The following MAP4K4 variants were observed in gnomAD, a reference collection of about 807,000 sequenced individuals.
MAP4K4 encodes HPK/GCK-like kinase HGK.
MAP4K4 carries 38 observed loss-of-function variants against 189.6 expected under a neutral mutation model. That is an observed-to-expected ratio of 0.20 (90% CI 0.15 to 0.26). The LOEUF is 0.26. MAP4K4 is among the 10% of genes least tolerant of loss of function. The pLI is 1.00. For synonymous variants in MAP4K4, 610 were observed against 624.3 expected (o/e 0.98, Z 0.34); for missense variants, 1,054 against 1,726.9 (o/e 0.61, Z 6.91).
chr2:101,877,188 TAAC>T (rs1222754626), intron 27 of MAP4K4, 42 bp downstream of exon 27: 2 of 1,604,798 alleles, frequency 1.2e-6, no homozygotes, highest in South Asian at 2.2e-5. Context: ...GACACCATCT[TAAC>T]AATATTGTAG....
At chr2:101,870,971 G>A (rs1311011906) in intron 23 of MAP4K4, among the ~76,000 whole-genome samples, 1 of 152,162 alleles carries the variant, frequency 6.6e-6, no homozygotes, top group Non-Finnish European at 1.5e-5. Flanking sequence ...TGCTCAGTTT[G>A]GATCACTAAG....
chr2:101,894,180 G>A (rs2098600139), exon 33 of MAP4K4: 1 of 152,774 alleles, frequency 6.5e-6, no homozygotes, highest in Admixed American at 6.5e-5. Flanking sequence ...CAAGAAAACA[G>A]TATTGCAATG....
intron 2 of MAP4K4, among the ~76,000 whole-genome samples, chr2:101,760,760 T>C (rs1331219361): frequency 6.6e-6 from 1 of 152,090 alleles, no homozygotes; most frequent in Admixed American, 6.5e-5. Context: ...TCCCACCACT[T>C]TGGGAGGCCG....
At chr2:101,755,654 T>A (rs1230195295) in intron 2 of MAP4K4, among the ~76,000 whole-genome samples, 8 of 152,164 alleles carry the variant, frequency 5.3e-5, no homozygotes, top group Admixed American at 3.3e-4. Flanking sequence ...TTTGCATTAA[T>A]CCGCTCTCCC....
intron 3 of MAP4K4, among the ~76,000 whole-genome samples, chr2:101,797,545 C>T (rs1205602173): frequency 1.1e-4 from 17 of 151,682 alleles, no homozygotes; most frequent in Admixed American, 1.1e-3. Flanking sequence ...TATTTTCTTA[C>T]CTTAGACAAC....
chr2:101,783,281 GA>G (rs34196195), intron 2 of MAP4K4, among the ~76,000 whole-genome samples: 35 of 149,560 alleles, frequency 2.3e-4, no homozygotes, highest in African/African-American at 3.9e-4. Context: ...TGTTTTTCTG[GA>G]AAAAAAAAAG....
chr2:101,705,762 T>C (rs1229485430), intron 2 of MAP4K4, among the ~76,000 whole-genome samples: 1 of 152,206 alleles, frequency 6.6e-6, no homozygotes, highest in Admixed American at 6.5e-5. Context: ...CAGGATTGAA[T>C]TTGTAGCAGG....
At chr2:101,833,963 CTTAATTAAA>C (rs555307809) in intron 7 of MAP4K4, among the ~76,000 whole-genome samples, 104 of 152,194 alleles carry the variant, frequency 6.8e-4, no homozygotes, top group African/African-American at 2.4e-3. Context: ...ACTTTAAAAT[CTTAATTAAA>C]TTTGAGTTAC....
intron 2 of MAP4K4, among the ~76,000 whole-genome samples, chr2:101,706,387 A>C (rs1195887104): frequency 6.6e-6 from 1 of 152,196 alleles, no homozygotes; most frequent in Non-Finnish European, 1.5e-5. Flanking sequence ...TTCTTTTATC[A>C]TGACTATGTA....
chr2:101,740,373 C>T (rs1246870849), intron 2 of MAP4K4, among the ~76,000 whole-genome samples: 1 of 137,140 alleles, frequency 7.3e-6, no homozygotes, highest in Non-Finnish European at 1.5e-5. Flanking sequence ...CCGGGATGGT[C>T]TCGATCTCCT....
intron 2 of MAP4K4, among the ~76,000 whole-genome samples, chr2:101,784,184 A>T (rs2089344717): frequency 6.6e-6 from 1 of 152,106 alleles, no homozygotes; most frequent in South Asian, 2.1e-4. Flanking sequence ...ATCCTATGAA[A>T]GCAGAGCAAT....
chr2:101,831,912 C>T (rs1188481069), intron 7 of MAP4K4, 61 bp downstream of exon 7: 15 of 1,569,578 alleles, frequency 9.6e-6, no homozygotes, highest in Admixed American at 1.9e-5. Flanking sequence ...GGGATGGGGG[C>T]TTTGCTTATA....
At chr2:101,713,185 G>A (rs1180516707) in intron 2 of MAP4K4, among the ~76,000 whole-genome samples, 1 of 152,086 alleles carries the variant, frequency 6.6e-6, no homozygotes, top group Non-Finnish European at 1.5e-5. Flanking sequence ...TGGGATTACA[G>A]GTGTGAACCA....
chr2:101,877,537 G>A (rs944886045), intron 27 of MAP4K4, among the ~76,000 whole-genome samples: 12 of 148,912 alleles, frequency 8.1e-5, no homozygotes, highest in African/African-American at 2.2e-4. Flanking sequence ...GTGCAGTGGC[G>A]CGATCTTGGC....
Position 101,870,354 on chromosome 2 carries a change from A to G in MAP4K4, c.2699A>G (p.Asp900Gly), listed in dbSNP as rs778367356. 10 of 1,613,684 alleles carry G rather than the reference A, an allele frequency of 6.2e-6. No homozygotes were observed. The East Asian group carries it at 2.2e-4, about 36-fold the overall frequency. ...TCTGTGAAAACCATGATTGTCCATG[A>G]TGATGTAGAAAGTGAGCCGGCCATG... The change falls in exon 23 of 33, where the codon GAT becomes GGT. Residue 900 changes from aspartate (D) to glycine (G), a missense_variant. Physicochemically the swap from Asp to Gly is moderately conservative, Grantham distance 94. Around this residue, in one of 4 missense-constraint regions of MAP4K4, gnomAD observed 646 missense variants for 796.2 expected, o/e 0.81. Transcript: ENST00000324219.
chr2:101,864,982 C>T, exon 18 of MAP4K4: 1 of 1,579,668 alleles, frequency 6.3e-7, no homozygotes, highest in Non-Finnish European at 8.6e-7. Context: ...CGAGATTCCC[C>T]ACTGCAGGGC....
intron 2 of MAP4K4, among the ~76,000 whole-genome samples, chr2:101,761,344 T>C (rs909328249): frequency 6.6e-6 from 1 of 151,986 alleles, no homozygotes; most frequent in Non-Finnish European, 1.5e-5. Context: ...ATAGTGTAGA[T>C]TGTTTAGCTA....
chr2:101,716,771 T>G (rs1422722746), intron 2 of MAP4K4, among the ~76,000 whole-genome samples: 1 of 152,212 alleles, frequency 6.6e-6, no homozygotes, highest in East Asian at 1.9e-4. Context: ...TGAAGTCAGC[T>G]GGCAGTTAAC....
Position 101,887,392 on chromosome 2 carries a change from A to G in MAP4K4, c.3771+155A>G, listed in dbSNP as rs2098503607. 4.2e-6 allele frequency: 3 copies of G among 710,262 alleles called. 1 individual carries two copies. Among genetic ancestry groups the G allele is most frequent in the Non-Finnish European group, 6.6e-6 (3 of 453,658 alleles). The allele number at this position is 710,262 out of a possible 1,614,324, so 44.0% of individuals were successfully genotyped here. A position where few individuals can be genotyped will look rare whatever the true frequency, so the allele number is the denominator to read the frequency against. On this transcript the variant is annotated intron_variant, in intron 30 of 32. Coordinates refer to ENST00000324219, the Ensembl canonical transcript of MAP4K4. ...ATGATACGCAATTTTCAATAGCTCC[A>G]TGCTCTTAGACAAGTGGAAATCCGC...
Sources: gnomAD v4.1 joint callset for allele counts (sites outside exome capture counted in the v4.1 genomes callset) on GRCh38, gnomAD v4.1.1 for gene constraint, gnomAD v4.1.1 regional missense constraint, MANE v1.5 for transcripts, NCBI Gene and HGNC (gene_info 2026-07-23, HGNC 2026-07-21) for gene names.